NTM: variants seen among roughly 807,000 people sequenced by gnomAD.
The protein encoded by NTM is neurotrimin, also known as IgLON family member 2.
A neutral mutation model predicts 42.1 loss-of-function variants in NTM; 13 were observed. The ratio of observed to expected loss-of-function variants is 0.31; its 90% CI spans 0.20 to 0.49. The LOEUF is 0.49. Among genes scored for constraint, NTM ranks in the 20% least tolerant of loss-of-function variants. NTM has a pLI of 0.99. For missense variants in NTM, 373 were observed against 452.8 expected (o/e 0.82, Z 1.60); for synonymous variants, 187 against 179.2 (o/e 1.04, Z -0.35).
intron 1 of NTM, among the ~76,000 whole-genome samples, chr11:131,612,977 G>A (rs2061585328): frequency 6.6e-6 from 1 of 152,242 alleles, no homozygotes; most frequent in African/African-American, 2.4e-5. Flanking sequence ...ATTATCCATA[G>A]CTGCTACCAT....
chr11:132,137,495 C>T (rs748327243), intron 2 of NTM, among the ~76,000 whole-genome samples: 9 of 152,156 alleles, frequency 5.9e-5, no homozygotes, highest in South Asian at 2.1e-4. Context: ...CTTTCTTTCA[C>T]GAGGGCTTAT....
intron 1 of NTM, among the ~76,000 whole-genome samples, chr11:131,389,012 C>CA (rs71475749): frequency 0.016 from 1,618 of 98,266 alleles, 60 homozygotes; most frequent in African/African-American, 0.055. Flanking sequence ...GACTTCATCA[C>CA]AAAAAAAAAA....
At chr11:131,646,038 G>A (rs545543749) in intron 1 of NTM, among the ~76,000 whole-genome samples, 3 of 152,372 alleles carry the variant, frequency 2.0e-5, no homozygotes, top group East Asian at 3.9e-4. Context: ...CTGCATGTAT[G>A]TGCATGGTTA....
At chr11:131,885,377 A>G (rs1224860585) in intron 1 of NTM, among the ~76,000 whole-genome samples, 2 of 152,274 alleles carry the variant, frequency 1.3e-5, no homozygotes, top group Admixed American at 6.5e-5. Flanking sequence ...TGGCTACACA[A>G]CTGCGGGCAG....
At chr11:132,069,642 G>C (rs11222899) in intron 2 of NTM, among the ~76,000 whole-genome samples, 94,556 of 138,506 alleles carry the variant, frequency 0.68, 32,435 homozygotes, top group African/African-American at 0.84. Flanking sequence ...TTAGTTAACA[G>C]GTCACCCAGC....
intron 4 of NTM, among the ~76,000 whole-genome samples, chr11:132,225,655 T>A (rs35353925): frequency 0.026 from 3,920 of 152,310 alleles, 69 homozygotes; most frequent in Non-Finnish European, 0.037. Context: ...ACCAGCACAT[T>A]TTAAGCAGGA....
intron 1 of NTM, among the ~76,000 whole-genome samples, chr11:131,692,150 T>C (rs1411609137): frequency 1.3e-5 from 2 of 152,228 alleles, no homozygotes; most frequent in Non-Finnish European, 2.9e-5. Flanking sequence ...CCTTCCACTC[T>C]AGGGCTTGAA....
At chr11:131,791,089 G>T (rs1334465687) in intron 1 of NTM, among the ~76,000 whole-genome samples, 2 of 152,136 alleles carry the variant, frequency 1.3e-5, no homozygotes, top group Non-Finnish European at 2.9e-5. Flanking sequence ...ATGTGTACAA[G>T]TTGGCAAAAA....
At chr11:131,763,166 A>G (rs1482276009) in intron 1 of NTM, among the ~76,000 whole-genome samples, 1 of 152,112 alleles carries the variant, frequency 6.6e-6, no homozygotes, top group Non-Finnish European at 1.5e-5. Context: ...CATAAAACCC[A>G]GGCAGCCTGA....
chr11:131,416,110 T>G (rs1195387744), intron 1 of NTM, among the ~76,000 whole-genome samples: 1 of 152,112 alleles, frequency 6.6e-6, no homozygotes, highest in African/African-American at 2.4e-5. Context: ...TTATCTGAGG[T>G]TCAAATTCAA....
intron 5 of NTM, among the ~76,000 whole-genome samples, chr11:132,309,826 C>T (rs578194186): frequency 4.6e-5 from 7 of 152,192 alleles, no homozygotes; most frequent in South Asian, 2.1e-4. Flanking sequence ...GAGGCTGAGG[C>T]GAGCAGATCA....
At chr11:132,166,488 A>G (rs2075298399) in intron 3 of NTM, among the ~76,000 whole-genome samples, 2 of 152,304 alleles carry the variant, frequency 1.3e-5, no homozygotes, top group South Asian at 2.1e-4. Context: ...GCCCCAACAC[A>G]TGGAGGAGGG....
intron 1 of NTM, among the ~76,000 whole-genome samples, chr11:131,527,540 T>A (rs1012593025): frequency 1.3e-5 from 2 of 152,238 alleles, no homozygotes; most frequent in African/African-American, 4.8e-5. Context: ...CATTGAACTC[T>A]GTTCTGCCTT....
chr11:131,407,714 G>C (rs10750479), intron 1 of NTM, among the ~76,000 whole-genome samples: 47,637 of 152,054 alleles, frequency 0.31, 8,150 homozygotes, highest in East Asian at 0.64. Context: ...GGGTCAGAAA[G>C]AGTTCCTAGG....
chr11:132,103,723 T>C (rs1379699688), intron 2 of NTM, among the ~76,000 whole-genome samples: 1 of 152,224 alleles, frequency 6.6e-6, no homozygotes, highest in African/African-American at 2.4e-5. Flanking sequence ...GTGTCTCAAC[T>C]GTACCACTGA....
chr11:132,098,167 C>T (rs952597241), intron 2 of NTM, among the ~76,000 whole-genome samples: 1 of 152,244 alleles, frequency 6.6e-6, no homozygotes, highest in African/African-American at 2.4e-5. Flanking sequence ...GTAGTTATAT[C>T]ATTAGTTTAC....
chr11:131,780,856 A>AC (rs1353834099), intron 1 of NTM, among the ~76,000 whole-genome samples: 1 of 152,146 alleles, frequency 6.6e-6, no homozygotes, highest in African/African-American at 2.4e-5. Context: ...AATTTCATAT[A>AC]CCTTCTCCTT....
At chr11:131,732,045 C>G (rs764485410) in intron 1 of NTM, among the ~76,000 whole-genome samples, 1 of 152,042 alleles carries the variant, frequency 6.6e-6, no homozygotes, top group Non-Finnish European at 1.5e-5. Context: ...TGATCTTGGG[C>G]GCATTTAACT....
At chr11:132,018,888 G>A (rs1249209277) in intron 2 of NTM, among the ~76,000 whole-genome samples, 16 of 151,938 alleles carry the variant, frequency 1.1e-4, no homozygotes, top group Admixed American at 7.2e-4. Flanking sequence ...TAATTTAAAT[G>A]CTTGATTTAG....
Sources: allele counts gnomAD v4.1 joint callset (sites outside exome capture counted in the v4.1 genomes callset), GRCh38; gene constraint gnomAD v4.1.1; transcripts MANE v1.5; gene names NCBI Gene and HGNC (gene_info 2026-07-23, HGNC 2026-07-21).